CLDN10: variants seen among roughly 807,000 people sequenced by gnomAD.
CLDN10 encodes the protein claudin 10.
A neutral mutation model predicts 22.9 loss-of-function variants in CLDN10; 15 were observed. The observed-to-expected ratio is 0.65, with a 90% CI of 0.44 to 1.01. CLDN10 has a LOEUF of 1.01. CLDN10 is among the 50% of genes least tolerant of loss of function. The probability of loss-of-function intolerance (pLI) is 0.00; values close to 1 mark genes in which losing one functional copy is unlikely to be tolerated. For synonymous variants in CLDN10, 114 were observed against 111.4 expected (o/e 1.02, Z -0.15); for missense variants, 247 against 287.8 (o/e 0.86, Z 1.03).
chr13:95,477,552 C>T (rs1033871883), intron 1 of CLDN10, among the ~76,000 whole-genome samples: 18 of 152,082 alleles, frequency 1.2e-4, no homozygotes, highest in African/African-American at 3.4e-4. Flanking sequence ...CAGATGCACG[C>T]GGGGCAGATG....
intron 1 of CLDN10, among the ~76,000 whole-genome samples, chr13:95,474,087 A>G (rs943057430): frequency 1.3e-5 from 2 of 152,188 alleles, no homozygotes; most frequent in Admixed American, 1.3e-4. Context: ...ATTGCAATAT[A>G]TAATGAAATA....
chr13:95,506,414 C>T (rs1014797813), intron 1 of CLDN10, among the ~76,000 whole-genome samples: 3 of 152,198 alleles, frequency 2.0e-5, no homozygotes, highest in South Asian at 4.1e-4. Context: ...CCCTTGAAGA[C>T]GCAGGCATCC....
At chr13:95,506,135 C>T (rs993124854) in intron 1 of CLDN10, among the ~76,000 whole-genome samples, 4 of 152,160 alleles carry the variant, frequency 2.6e-5, no homozygotes, top group Non-Finnish European at 5.9e-5. Flanking sequence ...GGAATGTCTG[C>T]AGCTGCTGAT....
rs549052555 is a variant in CLDN10 at position 95,448,180 on chromosome 13, C to T, written c.214+14133C>T. Reference sequence around the variant, plus strand: ...TACTCATACACACAATCTCTTATCACGCAGACACCTCAACACACTACACAC... The same window carrying T: ...TACTCATACACACAATCTCTTATCATGCAGACACCTCAACACACTACACAC... On this transcript the variant is annotated intron_variant, in intron 1 of 4. Coordinates refer to the CLDN10 transcript ENST00000376873. 5.5e-4 allele frequency among the ~76,000 whole-genome samples: 83 copies of T among 152,092 alleles called. 2 individuals are homozygous for T. Among genetic ancestry groups the T allele is most frequent in the East Asian group, 1.4e-3 (7 of 5,180 alleles).
chr13:95,568,799 T>C (rs1422210563), intron 3 of CLDN10, among the ~76,000 whole-genome samples: 1 of 152,100 alleles, frequency 6.6e-6, no homozygotes, highest in Admixed American at 6.6e-5. Context: ...TCTGCATATC[T>C]CCTAGAATGG....
At chr13:95,525,137 C>A (rs2043267748) in intron 1 of CLDN10, among the ~76,000 whole-genome samples, 1 of 152,160 alleles carries the variant, frequency 6.6e-6, no homozygotes, top group Non-Finnish European at 1.5e-5. Flanking sequence ...GGATTACAGG[C>A]ATGAGCCACC....
chr13:95,528,487 C>T (rs1412458755), intron 1 of CLDN10: 1 of 152,230 alleles, frequency 6.6e-6, no homozygotes, highest in Non-Finnish European at 1.5e-5. Context: ...ATAAGTGAAT[C>T]ATACATTTTG....
chr13:95,550,023 C>G (rs2138637065), upstream of CLDN10, among the ~76,000 whole-genome samples: 1 of 152,270 alleles, frequency 6.6e-6, no homozygotes, highest in East Asian at 1.9e-4. Flanking sequence ...ACACAGAGCT[C>G]AACTGGTCAG....
chr13:95,572,141 C>CG (rs1034312038), intron 3 of CLDN10, among the ~76,000 whole-genome samples: 2 of 151,902 alleles, frequency 1.3e-5, no homozygotes, highest in African/African-American at 4.8e-5. Flanking sequence ...CTTTTTGTGC[C>CG]GGAAGAAAAG....
chr13:95,467,522 T>TG (rs2042592136), intron 1 of CLDN10, among the ~76,000 whole-genome samples: 7 of 127,520 alleles, frequency 5.5e-5, no homozygotes, highest in Admixed American at 4.4e-4. Flanking sequence ...CCCTCTATTG[T>TG]TTTTTTTGGG....
chr13:95,496,003 A>T (rs9524982), intron 1 of CLDN10, among the ~76,000 whole-genome samples: 1 of 152,002 alleles, frequency 6.6e-6, no homozygotes, highest in Non-Finnish European at 1.5e-5. Flanking sequence ...GTTCTCACCA[A>T]ATTTATCCCA....
chr13:95,463,725 C>G (rs1002999788), intron 1 of CLDN10, among the ~76,000 whole-genome samples: 1 of 152,082 alleles, frequency 6.6e-6, no homozygotes, highest in African/African-American at 2.4e-5. Context: ...GAAGGAAGTT[C>G]ACTCTCTGCC....
chr13:95,507,169 T>C (rs2043046861), intron 1 of CLDN10, among the ~76,000 whole-genome samples: 1 of 152,250 alleles, frequency 6.6e-6, no homozygotes, highest in Non-Finnish European at 1.5e-5. Context: ...TTTGATCGAT[T>C]TGTGAATTTT....
At chr13:95,489,873 C>T (rs997134606) in intron 1 of CLDN10, among the ~76,000 whole-genome samples, 6 of 152,048 alleles carry the variant, frequency 3.9e-5, no homozygotes, top group Non-Finnish European at 7.4e-5. Flanking sequence ...GTCCTTAATC[C>T]ATCTTTAGTT....
chr13:95,578,033 TGC>T lies in CLDN10; in HGVS notation c.*20_*21del. 1 of 1,452,244 alleles carries T rather than the reference TGC, an allele frequency of 6.9e-7. No individual in the cohort carries two copies. Among genetic ancestry groups the T allele is most frequent in the Non-Finnish European group, 9.6e-7 (1 of 1,036,958 alleles). 90.0% of individuals were successfully genotyped at this position (1,452,244 alleles called of 1,614,324 possible). ...TGTCTAAAAGAGCTCGCTGGCAAGC[TGC>T]CTCTTGAGTTTGTTATAAAAGCGAA... On this transcript the variant is annotated 3_prime_UTR_variant, in exon 5 of 5. Coordinates refer to ENST00000299339, the MANE Select transcript of CLDN10 (RefSeq NM_006984.5).
chr13:95,500,830 C>T (rs917455465), intron 1 of CLDN10, among the ~76,000 whole-genome samples: 2 of 151,812 alleles, frequency 1.3e-5, no homozygotes, highest in Admixed American at 6.6e-5. Flanking sequence ...ACCTCATTTT[C>T]GTTTTAAAAA....
At chr13:95,492,432 G>A (rs766792313) in intron 1 of CLDN10, among the ~76,000 whole-genome samples, 2 of 152,090 alleles carry the variant, frequency 1.3e-5, no homozygotes, top group African/African-American at 2.4e-5. Flanking sequence ...CATACAGGTT[G>A]TCAGGGAAGT....
chr13:95,565,093 C>A (rs1204072594), intron 3 of CLDN10, among the ~76,000 whole-genome samples: 3 of 151,562 alleles, frequency 2.0e-5, no homozygotes, highest in Non-Finnish European at 2.9e-5. Flanking sequence ...GTCAAACTAA[C>A]TTCCTCCTTT....
intron 1 of CLDN10, among the ~76,000 whole-genome samples, chr13:95,455,203 A>G (rs2139082570): frequency 6.6e-6 from 1 of 152,262 alleles, no homozygotes; most frequent in South Asian, 2.1e-4. Context: ...AATAGAAAAA[A>G]AAAAAAAAAC....
Sources: gnomAD v4.1 joint callset for allele counts (sites outside exome capture counted in the v4.1 genomes callset) on GRCh38, gnomAD v4.1.1 for gene constraint, MANE v1.5 for transcripts, NCBI Gene and HGNC (gene_info 2026-07-23, HGNC 2026-07-21) for gene names.